The following NEBL variants were observed in gnomAD, a reference collection of about 807,000 sequenced individuals.
NEBL encodes LIM and SH3 protein 2.
In NEBL, 122 loss-of-function variants were observed where a neutral mutation model predicts 140.2. The ratio of observed to expected loss-of-function variants is 0.87; its 90% CI spans 0.75 to 1.01. The LOEUF is 1.01. NEBL is among the 50% of genes least tolerant of loss of function. The pLI is 0.00. For synonymous variants in NEBL, 436 were observed against 398.9 expected (o/e 1.09, Z -1.11); for missense variants, 1,365 against 1,231.3 (o/e 1.11, Z -1.62).
intron 2 of NEBL, among the ~76,000 whole-genome samples, chr10:21,081,389 G>C (rs1446746820): frequency 6.6e-6 from 1 of 152,124 alleles, no homozygotes; most frequent in African/African-American, 2.4e-5. Context: ...TGCACAGGAG[G>C]GTTGATCAAA....
At chr10:21,165,351 C>G (rs1840717080) in intron 2 of NEBL, among the ~76,000 whole-genome samples, 1 of 152,158 alleles carries the variant, frequency 6.6e-6, no homozygotes, top group Non-Finnish European at 1.5e-5. Flanking sequence ...ATCCCAACAG[C>G]AGGATACTTT....
intron 2 of NEBL, among the ~76,000 whole-genome samples, chr10:21,160,602 A>G (rs1437074103): frequency 2.0e-5 from 3 of 147,154 alleles, no homozygotes. Flanking sequence ...GCAACAGAAA[A>G]GACTTCAAAT....
At chr10:21,246,037 C>T (rs1842513509) in intron 3 of NEBL, among the ~76,000 whole-genome samples, 1 of 152,218 alleles carries the variant, frequency 6.6e-6, no homozygotes. Flanking sequence ...TGTGTCCCCA[C>T]ACAGAGCTAC....
At chr10:21,140,731 T>C (rs920808084) in intron 2 of NEBL, among the ~76,000 whole-genome samples, 2 of 152,132 alleles carry the variant, frequency 1.3e-5, no homozygotes, top group Non-Finnish European at 2.9e-5. Context: ...AAAACTAATA[T>C]GAATTACAAT....
At chr10:21,238,532 T>G (rs545917728) in intron 3 of NEBL, among the ~76,000 whole-genome samples, 1 of 149,850 alleles carries the variant, frequency 6.7e-6, no homozygotes, top group South Asian at 2.1e-4. Context: ...AAACCCCATC[T>G]CTACTGAAAA....
chr10:21,126,213 A>C, intron 2 of NEBL: 1 of 1,285,708 alleles, frequency 7.8e-7, no homozygotes, highest in Non-Finnish European at 1.1e-6. Flanking sequence ...AATAACAACT[A>C]CATTGCTGGT....
intron 3 of NEBL, among the ~76,000 whole-genome samples, chr10:20,987,242 T>C (rs1837291934): frequency 6.6e-6 from 1 of 152,118 alleles, no homozygotes; most frequent in Admixed American, 6.5e-5. Flanking sequence ...AACCAAACCC[T>C]GAGTGGGTAT....
chr10:21,067,971 G>A (rs987396966), intron 2 of NEBL, among the ~76,000 whole-genome samples: 3 of 123,066 alleles, frequency 2.4e-5, no homozygotes, highest in Non-Finnish European at 4.1e-5. Context: ...ACAAGATGCC[G>A]TCTCAAAGAA....
intron 3 of NEBL, among the ~76,000 whole-genome samples, chr10:20,969,423 A>G (rs1836467053): frequency 6.6e-6 from 1 of 151,282 alleles, no homozygotes; most frequent in Non-Finnish European, 1.5e-5. Flanking sequence ...TCAGTTTTCC[A>G]TGTATATTCA....
At chr10:20,844,740 G>A (rs1841745273) in intron 12 of NEBL, among the ~76,000 whole-genome samples, 1 of 151,930 alleles carries the variant, frequency 6.6e-6, no homozygotes. Context: ...TATAAGTAAT[G>A]TAGCATTTAT....
chr10:21,181,836 T>G (rs1284990809), intron 3 of NEBL, among the ~76,000 whole-genome samples: 1 of 152,238 alleles, frequency 6.6e-6, no homozygotes, highest in African/African-American at 2.4e-5. Flanking sequence ...GCCTTATTCT[T>G]TCTTATTTCC....
At position 20,817,842 on chromosome 10, in the gene NEBL, A is replaced by T. The variant is rs953054952; in HGVS notation, c.2056-150T>A. The T allele has an allele frequency of 7.1e-6, 5 of 704,178 alleles. No homozygotes were observed. In the East Asian group the frequency reaches 1.3e-4, roughly 19 times the overall value. 43.6% of individuals were successfully genotyped at this position (704,178 alleles called of 1,614,324 possible). Reference sequence around the variant, plus strand: ...CCTTCACGCTTACATATACGCCCACATTCCGATGGGTCTGATTTAGCAAGC... The same window carrying T: ...CCTTCACGCTTACATATACGCCCACTTTCCGATGGGTCTGATTTAGCAAGC... On this transcript the variant is annotated intron_variant, in intron 20 of 27. Coordinates refer to ENST00000377122, the MANE Select transcript of NEBL (RefSeq NM_006393.3).
chr10:20,806,494 A>G (rs938346205), intron 26 of NEBL, among the ~76,000 whole-genome samples: 2 of 152,174 alleles, frequency 1.3e-5, no homozygotes, highest in Non-Finnish European at 2.9e-5. Flanking sequence ...CAGCATTCAC[A>G]TCTCTACTCA....
At chr10:20,988,635 C>A (rs1837344797) in intron 3 of NEBL, among the ~76,000 whole-genome samples, 2 of 152,190 alleles carry the variant, frequency 1.3e-5, no homozygotes, top group African/African-American at 2.4e-5. Context: ...TTAGCATACA[C>A]ACATACTGTG....
chr10:21,196,313 TTTTATTTA>T (rs10629849), intron 3 of NEBL, among the ~76,000 whole-genome samples: 4,617 of 140,540 alleles, frequency 0.033, 239 homozygotes, highest in African/African-American at 0.11. Context: ...ATATTTTTAT[TTTTATTTA>T]TTTATTTATT....
upstream of NEBL, among the ~76,000 whole-genome samples, chr10:21,175,862 C>G (rs1021079268): frequency 2.6e-5 from 4 of 152,124 alleles, no homozygotes; most frequent in African/African-American, 7.2e-5. Flanking sequence ...AACTGTAGAT[C>G]ATGAAATATA....
At chr10:21,119,833 C>G (rs1838448346) in intron 2 of NEBL, among the ~76,000 whole-genome samples, 1 of 152,110 alleles carries the variant, frequency 6.6e-6, no homozygotes, top group South Asian at 2.1e-4. Context: ...AGGATGGGAT[C>G]CAGGATCACA....
rs1303155258 is a variant in NEBL at position 21,036,139 on chromosome 10, G to A, written c.165-15938C>T. Reference sequence around the variant, plus strand: ...GATCACATCACTGCACTCCAGCCTGGGGGACACAGCTGGAGTCTCAAAAGA... The same window carrying A: ...GATCACATCACTGCACTCCAGCCTGAGGGACACAGCTGGAGTCTCAAAAGA... On this transcript the variant is annotated intron_variant, in intron 2 of 6. Coordinates refer to the NEBL transcript ENST00000417816. Among the ~76,000 whole-genome samples the A allele has an allele frequency of 2.6e-5, 4 of 152,002 alleles. No homozygotes were observed. The South Asian group carries it at 8.4e-4, about 32-fold the overall frequency.
intron 3 of NEBL, among the ~76,000 whole-genome samples, chr10:21,001,519 C>G (rs1401357655): frequency 6.6e-6 from 1 of 152,166 alleles, no homozygotes; most frequent in Admixed American, 6.5e-5. Flanking sequence ...GAACATCATG[C>G]CACTACTGAT....
Sources: gnomAD v4.1 joint callset for allele counts (sites outside exome capture counted in the v4.1 genomes callset) on GRCh38, gnomAD v4.1.1 for gene constraint, MANE v1.5 for transcripts, NCBI Gene and HGNC (gene_info 2026-07-23, HGNC 2026-07-21) for gene names.